The following DCDC1 variants were observed in gnomAD, a reference collection of about 807,000 sequenced individuals.
DCDC1 encodes the protein doublecortin domain containing 1.
Under a neutral mutation model 178.3 loss-of-function variants are expected in DCDC1, and 200 were observed. The ratio of observed to expected loss-of-function variants is 1.12; its 90% CI spans 1.00 to 1.26. The LOEUF is 1.26. Ranked by LOEUF, DCDC1 falls within the 50% of genes most tolerant of loss-of-function variation. The pLI, the probability that DCDC1 is intolerant of heterozygous loss-of-function variation, is 0.00. For missense variants in DCDC1, 1,983 were observed against 1,749.2 expected (o/e 1.13, Z -2.38); for synonymous variants, 690 against 604.8 (o/e 1.14, Z -2.07).
chr11:30,934,451 A>G (rs1471514525), intron 21 of DCDC1, among the ~76,000 whole-genome samples: 1 of 152,198 alleles, frequency 6.6e-6, no homozygotes, highest in Non-Finnish European at 1.5e-5. Flanking sequence ...GGAGAGCTGA[A>G]TAATTGCCAT....
At chr11:31,155,087 G>A (rs187179066) in intron 9 of DCDC1, among the ~76,000 whole-genome samples, 197 of 152,138 alleles carry the variant, frequency 1.3e-3, no homozygotes, top group African/African-American at 4.5e-3. Flanking sequence ...TTACTGTCCC[G>A]CATTTCTAAT....
intron 9 of DCDC1, among the ~76,000 whole-genome samples, chr11:31,196,569 C>T (rs1970719913): frequency 6.6e-6 from 1 of 151,918 alleles, no homozygotes; most frequent in Non-Finnish European, 1.5e-5. Context: ...TTACTATTAC[C>T]AGTTTATTAT....
chr11:31,041,072 T>G (rs1036387693), intron 20 of DCDC1, among the ~76,000 whole-genome samples: 24 of 152,232 alleles, frequency 1.6e-4, no homozygotes, highest in Non-Finnish European at 4.4e-5. Context: ...TAATGTTAGT[T>G]TTAATCATTA....
chr11:30,952,331 C>A, intron 21 of DCDC1, 114 bp downstream of exon 21: 2 of 917,376 alleles, frequency 2.2e-6, no homozygotes, highest in African/African-American at 1.7e-5. Context: ...AGTTTGATAT[C>A]TTGCACCTAA....
intron 9 of DCDC1, among the ~76,000 whole-genome samples, chr11:31,220,251 T>C (rs572687434): frequency 6.6e-6 from 1 of 152,312 alleles, no homozygotes; most frequent in Admixed American, 6.5e-5. Context: ...CTTTGAAACG[T>C]GTAATGGGCA....
At chr11:31,121,425 C>T (rs964862465) in intron 11 of DCDC1, among the ~76,000 whole-genome samples, 1 of 146,016 alleles carries the variant, frequency 6.8e-6, no homozygotes, top group African/African-American at 2.6e-5. Flanking sequence ...GGTTTTTTAT[C>T]TTGTATGCCC....
intron 1 of DCDC1, among the ~76,000 whole-genome samples, chr11:31,341,993 T>C (rs543181432): frequency 6.6e-6 from 1 of 152,098 alleles, no homozygotes; most frequent in South Asian, 2.1e-4. Flanking sequence ...TGGATGCCAA[T>C]GAGATCAGTA....
At chr11:31,089,283 T>G (rs960658014) in intron 17 of DCDC1, among the ~76,000 whole-genome samples, 3 of 152,234 alleles carry the variant, frequency 2.0e-5, no homozygotes, top group African/African-American at 7.2e-5. Flanking sequence ...CTTCCATTGT[T>G]ACCAACAAGA....
intron 22 of DCDC1, among the ~76,000 whole-genome samples, chr11:30,927,441 C>G (rs1417491706): frequency 1.3e-5 from 2 of 151,706 alleles, no homozygotes; most frequent in East Asian, 3.9e-4. Context: ...CCAAAAACCT[C>G]CAGCAGAACA....
intron 6 of DCDC1, among the ~76,000 whole-genome samples, chr11:31,292,204 T>C (rs1026944218): frequency 6.6e-6 from 1 of 152,144 alleles, no homozygotes; most frequent in Non-Finnish European, 1.5e-5. Context: ...TTTTGTAAAC[T>C]GAAATTAATA....
At chr11:31,322,144 G>C (rs914689463) in intron 3 of DCDC1, among the ~76,000 whole-genome samples, 1 of 152,174 alleles carries the variant, frequency 6.6e-6, no homozygotes, top group Non-Finnish European at 1.5e-5. Flanking sequence ...CTCTGCAAGA[G>C]TAAGATCCTT....
chr11:30,951,733 G>C (rs926642968), intron 21 of DCDC1, among the ~76,000 whole-genome samples: 1 of 151,792 alleles, frequency 6.6e-6, no homozygotes, highest in African/African-American at 2.4e-5. Context: ...GAAATAAACA[G>C]AATAAAAATG....
At chr11:31,125,549 G>C (rs1410936748) in intron 11 of DCDC1, among the ~76,000 whole-genome samples, 1 of 152,160 alleles carries the variant, frequency 6.6e-6, no homozygotes, top group Non-Finnish European at 1.5e-5. Flanking sequence ...TGATAGACTG[G>C]ATAAGGAAAA....
chr11:31,229,444 G>C (rs1371734123), intron 9 of DCDC1, among the ~76,000 whole-genome samples: 1 of 152,016 alleles, frequency 6.6e-6, no homozygotes, highest in East Asian at 1.9e-4. Flanking sequence ...GTTTATCTCA[G>C]AAACATAAGG....
At chr11:31,009,110 T>C (rs996279294) in intron 20 of DCDC1, among the ~76,000 whole-genome samples, 5 of 152,136 alleles carry the variant, frequency 3.3e-5, no homozygotes, top group African/African-American at 1.2e-4. Context: ...ATAACAAGAC[T>C]TTAGTTTGTT....
At chr11:31,100,269 G>A (rs1285894278) in intron 15 of DCDC1, among the ~76,000 whole-genome samples, 4 of 152,234 alleles carry the variant, frequency 2.6e-5, no homozygotes, top group Non-Finnish European at 5.9e-5. Flanking sequence ...GGCTAAACAA[G>A]CAAACAAAAA....
chr11:31,362,558 T>C (rs960437840), intron 1 of DCDC1, among the ~76,000 whole-genome samples: 5 of 152,166 alleles, frequency 3.3e-5, no homozygotes, highest in African/African-American at 9.7e-5. Context: ...AATTGCTTTG[T>C]AATGGGCTTG....
At chr11:31,005,953 A>G (rs1341233684) in intron 20 of DCDC1, among the ~76,000 whole-genome samples, 6 of 85,574 alleles carry the variant, frequency 7.0e-5, no homozygotes, top group Admixed American at 3.8e-4. Flanking sequence ...CTTATTCCTG[A>G]AAAAAAAAAA....
At position 31,306,290 on chromosome 11, in the gene DCDC1, G is replaced by A. The variant is rs1490591675; in HGVS notation, c.533C>T (p.Ala178Val). ...GACTGTTCTAGATCCATTTTTGTAAGCTGTTACTTTAATCACTCTTGGTTG... is the reference window on the plus strand; with the variant it reads ...GACTGTTCTAGATCCATTTTTGTAAACTGTTACTTTAATCACTCTTGGTTG... ...KLQPRVIKVT[A>V]YKNGSRTVFA... The change falls in exon 5 of 39, where the codon GCT becomes GTT. Residue 178 changes from alanine (A) to valine (V), a missense_variant. Physicochemically the swap from Ala to Val is moderately conservative, Grantham distance 64. Transcript: ENST00000684477. 4 of 1,610,426 alleles carry A rather than the reference G, an allele frequency of 2.5e-6. No homozygotes were observed. The highest frequency in any genetic ancestry group is 1.1e-5 in the South Asian group (1 of 90,488).
Sources: gnomAD v4.1 joint callset for allele counts (sites outside exome capture counted in the v4.1 genomes callset) on GRCh38, gnomAD v4.1.1 for gene constraint, MANE v1.5 for transcripts, NCBI Gene and HGNC (gene_info 2026-07-23, HGNC 2026-07-21) for gene names.